ARHGEF3: variants seen among roughly 807,000 people sequenced by gnomAD.
ARHGEF3 encodes the protein 59.8 kDA protein.
ARHGEF3 carries 28 observed loss-of-function variants against 63.2 expected under a neutral mutation model. The observed-to-expected ratio is 0.44, with a 90% CI of 0.33 to 0.61. ARHGEF3 has a LOEUF of 0.61. Among genes scored for constraint, ARHGEF3 ranks in the 20% least tolerant of loss-of-function variants. The pLI is 0.03. For synonymous variants in ARHGEF3, 266 were observed against 254.2 expected (o/e 1.05, Z -0.44); for missense variants, 533 against 659.3 (o/e 0.81, Z 2.10).
rs901324713 is a variant in ARHGEF3, at chr3:56,808,658, C to T, written c.193-34842G>A. On this transcript the variant is annotated intron_variant, in intron 4 of 12. Transcript: ENST00000338458. Reference sequence around the variant, plus strand: ...AAATTAGCAAATTTTTTTGTTTTTTCAAAAAAATAATAATATTGAAGTGTT... The same window carrying T: ...AAATTAGCAAATTTTTTTGTTTTTTTAAAAAAATAATAATATTGAAGTGTT... Among the ~76,000 whole-genome samples, 5 of 151,298 alleles carry T rather than the reference C, an allele frequency of 3.3e-5. No individual in the cohort carries two copies. In the East Asian group the frequency reaches 9.7e-4, roughly 29 times the overall value.
At chr3:56,768,940 T>C (rs1263050957) in intron 2 of ARHGEF3, among the ~76,000 whole-genome samples, 2 of 152,148 alleles carry the variant, frequency 1.3e-5, no homozygotes, top group Non-Finnish European at 1.5e-5. Flanking sequence ...TAAGGCTGAA[T>C]AGACTGTGAG....
chr3:57,019,954 A>G (rs1355752211), intron 2 of ARHGEF3, among the ~76,000 whole-genome samples: 1 of 152,148 alleles, frequency 6.6e-6, no homozygotes, highest in Non-Finnish European at 1.5e-5. Flanking sequence ...GCTGGAGTAC[A>G]ATGGTGCAAT....
chr3:56,779,911 G>A (rs1281531475), intron 1 of ARHGEF3, among the ~76,000 whole-genome samples: 1 of 152,182 alleles, frequency 6.6e-6, no homozygotes, highest in East Asian at 1.9e-4. Context: ...AGAATTCTGT[G>A]GGTAGGAGCT....
At chr3:56,769,896 A>C (rs1421017598) in intron 2 of ARHGEF3, among the ~76,000 whole-genome samples, 1 of 152,234 alleles carries the variant, frequency 6.6e-6, no homozygotes, top group Non-Finnish European at 1.5e-5. Flanking sequence ...TACAGCCTTG[A>C]GTCATTTTTG....
intron 2 of ARHGEF3, among the ~76,000 whole-genome samples, chr3:56,969,383 T>TGTGC: frequency 6.1e-5 from 7 of 113,850 alleles, no homozygotes; most frequent in East Asian, 3.4e-4. Flanking sequence ...CTTTTTTTCT[T>TGTGC]ATTGATTGAT....
intron 4 of ARHGEF3, among the ~76,000 whole-genome samples, chr3:56,826,383 G>A (rs1227454235): frequency 6.6e-6 from 1 of 152,138 alleles, no homozygotes; most frequent in African/African-American, 2.4e-5. Context: ...ATGAGTAGCT[G>A]CCTTCTTACT....
chr3:56,749,513 C>T (rs1043799445), intron 6 of ARHGEF3, among the ~76,000 whole-genome samples: 1 of 152,068 alleles, frequency 6.6e-6, no homozygotes, highest in East Asian at 1.9e-4. Flanking sequence ...CTCCATTTAC[C>T]CCCATATCAA....
chr3:56,875,077 G>A (rs1045892325), intron 4 of ARHGEF3, among the ~76,000 whole-genome samples: 4 of 152,114 alleles, frequency 2.6e-5, no homozygotes, highest in Admixed American at 2.0e-4. Context: ...AAAAGCTATG[G>A]TATTTGCTAG....
chr3:57,023,959 C>T (rs897516693), intron 2 of ARHGEF3, among the ~76,000 whole-genome samples: 1 of 152,240 alleles, frequency 6.6e-6, no homozygotes, highest in Non-Finnish European at 1.5e-5. Context: ...ACTGAGTAGA[C>T]ACTCGAGATA....
intron 4 of ARHGEF3, among the ~76,000 whole-genome samples, chr3:56,819,816 T>G (rs1471659004): frequency 6.6e-6 from 1 of 151,388 alleles, no homozygotes; most frequent in Non-Finnish European, 1.5e-5. Flanking sequence ...CCACTGCATC[T>G]GGTGCAACTT....
chr3:56,886,608 G>A (rs1043727813), intron 3 of ARHGEF3, among the ~76,000 whole-genome samples: 15 of 152,152 alleles, frequency 9.9e-5, no homozygotes, highest in African/African-American at 3.1e-4. Context: ...ACAGGACACG[G>A]CACTCACTTT....
chr3:56,821,918 G>A (rs142976328), intron 4 of ARHGEF3, among the ~76,000 whole-genome samples: 3 of 151,024 alleles, frequency 2.0e-5, no homozygotes, highest in East Asian at 3.9e-4. Flanking sequence ...AAGCCAAGTC[G>A]CACCACTGCA....
intron 3 of ARHGEF3, among the ~76,000 whole-genome samples, chr3:56,923,075 T>TATATATAA (rs1560053971): frequency 1.7e-4 from 22 of 127,726 alleles, no homozygotes; most frequent in African/African-American, 5.1e-4. Context: ...TATATATATA[T>TATATATAA]AAATTAGTTG....
At chr3:56,949,986 A>G (rs1339795978) in intron 3 of ARHGEF3, among the ~76,000 whole-genome samples, 1 of 152,044 alleles carries the variant, frequency 6.6e-6, no homozygotes, top group Non-Finnish European at 1.5e-5. Flanking sequence ...GCATATCTAC[A>G]ACCATCTGAT....
At chr3:57,058,819 A>G (rs1023357398) in intron 1 of ARHGEF3, among the ~76,000 whole-genome samples, 2 of 152,150 alleles carry the variant, frequency 1.3e-5, no homozygotes, top group African/African-American at 4.8e-5. Flanking sequence ...GCCATAAAAA[A>G]TGATGAGTTC....
intron 1 of ARHGEF3, among the ~76,000 whole-genome samples, chr3:57,042,666 A>ATG (rs1704241517): frequency 1.7e-4 from 1 of 6,006 alleles, no homozygotes; most frequent in Non-Finnish European, 2.8e-4. Flanking sequence ...ATATATATAT[A>ATG]TATATATATA....
At chr3:56,851,574 G>A (rs2108148642) in intron 4 of ARHGEF3, among the ~76,000 whole-genome samples, 1 of 151,440 alleles carries the variant, frequency 6.6e-6, no homozygotes, top group South Asian at 2.1e-4. Flanking sequence ...TTTATGTAGA[G>A]AGGGGGTTTT....
intron 2 of ARHGEF3, among the ~76,000 whole-genome samples, chr3:56,773,039 T>C (rs185211359): frequency 6.6e-6 from 1 of 152,240 alleles, no homozygotes; most frequent in African/African-American, 2.4e-5. Context: ...TCAGCAAACA[T>C]TTTATGTAAA....
At chr3:56,958,753 G>T in intron 3 of ARHGEF3, 4 of 1,470,796 alleles carry the variant, frequency 2.7e-6, no homozygotes, top group Non-Finnish European at 3.7e-6. Context: ...AACAGCGTCC[G>T]TTCTGGAGGC....
Sources: allele counts gnomAD v4.1 joint callset (sites outside exome capture counted in the v4.1 genomes callset), GRCh38; gene constraint gnomAD v4.1.1; transcripts MANE v1.5; gene names NCBI Gene and HGNC (gene_info 2026-07-23, HGNC 2026-07-21).